PCDH9: variants seen among roughly 807,000 people sequenced by gnomAD.
PCDH9 encodes the protein protocadherin-9.
Under a neutral mutation model 70.6 loss-of-function variants are expected in PCDH9, and 24 were observed. That is an observed-to-expected ratio of 0.34 (90% confidence interval 0.25 to 0.48). PCDH9 has a LOEUF of 0.48. PCDH9 is among the 20% of genes least tolerant of loss of function. The pLI is 0.99. For missense variants in PCDH9, 1,281 were observed against 1,503.6 expected (o/e 0.85, Z 2.45); for synonymous variants, 562 against 558.5 (o/e 1.01, Z -0.09).
rs575549566 is a variant in PCDH9 at position 66,791,658 on chromosome 13, G to T, written c.3138+111846C>A. The stretch of plus-strand genomic sequence containing the variant: ...AAATAATGTAGTAATGCTATAATTT[G>T]TACATGCTTATGTATGTATTATGTA... On this transcript the variant is annotated intron_variant, in intron 3 of 4. Coordinates refer to ENST00000377865, the MANE Select transcript of PCDH9 (RefSeq NM_203487.3). 3.3e-5 allele frequency among the ~76,000 whole-genome samples: 5 copies of T among 152,130 alleles called. No homozygotes were observed. The East Asian group carries it at 9.7e-4, about 29-fold the overall frequency.
At chr13:66,431,506 A>G (rs916485709) in intron 4 of PCDH9, among the ~76,000 whole-genome samples, 3 of 152,076 alleles carry the variant, frequency 2.0e-5, no homozygotes, top group African/African-American at 7.2e-5. Flanking sequence ...TGATTTATCA[A>G]TAATGTATTA....
intron 4 of PCDH9, among the ~76,000 whole-genome samples, chr13:66,314,419 AG>A (rs1454419320): frequency 2.0e-5 from 3 of 152,142 alleles, no homozygotes; most frequent in African/African-American, 7.2e-5. Flanking sequence ...CTTCCTGTTC[AG>A]TTTCCTTTGA....
At chr13:66,530,619 AT>A (rs1261617986) in intron 4 of PCDH9, among the ~76,000 whole-genome samples, 1 of 151,996 alleles carries the variant, frequency 6.6e-6, no homozygotes, top group Non-Finnish European at 1.5e-5. Context: ...CTCAATATAC[AT>A]TAGTGATGCC....
At chr13:67,149,434 A>G (rs977033892) in intron 2 of PCDH9, among the ~76,000 whole-genome samples, 2 of 152,028 alleles carry the variant, frequency 1.3e-5, no homozygotes, top group African/African-American at 4.8e-5. Context: ...AGATATTTTA[A>G]GCAGTGCCCA....
intron 2 of PCDH9, among the ~76,000 whole-genome samples, chr13:67,124,465 A>G (rs1566439838): frequency 6.6e-6 from 1 of 152,226 alleles, no homozygotes; most frequent in East Asian, 1.9e-4. Context: ...GCATCTTACA[A>G]TCTTGTGGAT....
intron 4 of PCDH9, among the ~76,000 whole-genome samples, chr13:66,484,520 T>G (rs558761981): frequency 1.3e-5 from 2 of 152,206 alleles, no homozygotes; most frequent in South Asian, 4.2e-4. Context: ...GATGGAAGAG[T>G]AGATTCTAGA....
chr13:66,406,651 C>A (rs542737008), intron 4 of PCDH9, among the ~76,000 whole-genome samples: 1 of 152,244 alleles, frequency 6.6e-6, no homozygotes, highest in Admixed American at 6.5e-5. Context: ...TGTTTAAACA[C>A]AAAGTTATAT....
intron 2 of PCDH9, among the ~76,000 whole-genome samples, chr13:66,983,959 ACT>A (rs1277961490): frequency 1.3e-5 from 2 of 151,862 alleles, no homozygotes; most frequent in African/African-American, 2.4e-5. Context: ...TTGAAAAGCT[ACT>A]CTTTGTAAAA....
At chr13:66,350,498 C>T (rs1219328655) in intron 4 of PCDH9, among the ~76,000 whole-genome samples, 1 of 152,124 alleles carries the variant, frequency 6.6e-6, no homozygotes, top group Non-Finnish European at 1.5e-5. Context: ...CTTCAGCCCT[C>T]TTGTCTTCTC....
intron 3 of PCDH9, among the ~76,000 whole-genome samples, chr13:66,680,692 CA>C (rs1311421768): frequency 6.6e-6 from 1 of 151,674 alleles, no homozygotes; most frequent in African/African-American, 2.4e-5. Context: ...TAAATGAACC[CA>C]GGGGCCACAA....
rs566145958 is a variant in PCDH9, at chr13:66,998,442, A to T, written c.3037-94837T>A. Among the ~76,000 whole-genome samples the T allele has an allele frequency of 5.3e-5, 8 of 152,288 alleles. No homozygotes were observed. The South Asian group carries it at 1.7e-3, about 32-fold the overall frequency. ...ACTCTTCTGAGTTCTGTACTCTCACAATCCTACTTCCTATTGTGATTCCAA... is the reference window on the plus strand; with the variant it reads ...ACTCTTCTGAGTTCTGTACTCTCACTATCCTACTTCCTATTGTGATTCCAA... On this transcript the variant is annotated intron_variant, in intron 2 of 4. Coordinates refer to ENST00000377865, the MANE Select transcript of PCDH9 (RefSeq NM_203487.3).
intron 3 of PCDH9, among the ~76,000 whole-genome samples, chr13:66,698,247 T>C (rs1009753040): frequency 7.2e-5 from 11 of 152,302 alleles, no homozygotes; most frequent in African/African-American, 2.2e-4. Context: ...GCCACCAAAC[T>C]GTATTGAAAA....
chr13:66,573,711 G>T (rs1386956389), intron 4 of PCDH9, among the ~76,000 whole-genome samples: 1 of 151,694 alleles, frequency 6.6e-6, no homozygotes, highest in Non-Finnish European at 1.5e-5. Context: ...TCAGTTAAGG[G>T]TATTTTGTTG....
At chr13:67,049,840 CT>C (rs1404389303) in intron 2 of PCDH9, among the ~76,000 whole-genome samples, 1 of 152,086 alleles carries the variant, frequency 6.6e-6, no homozygotes, top group Non-Finnish European at 1.5e-5. Flanking sequence ...ATACTTTTTT[CT>C]ACTATGTTCT....
intron 3 of PCDH9, among the ~76,000 whole-genome samples, chr13:66,679,775 A>G (rs534845337): frequency 6.6e-6 from 1 of 152,038 alleles, no homozygotes; most frequent in East Asian, 1.9e-4. Context: ...AATGTTGAAA[A>G]GAACAATTTC....
chr13:67,226,353 C>T lies in PCDH9; in HGVS notation c.2088G>A (p.Val696=), dbSNP rs926530693. 3.1e-6 allele frequency: 5 copies of T among 1,614,006 alleles called. No individual in the cohort carries two copies. In the Admixed American group the frequency reaches 8.3e-5, roughly 27 times the overall value. ...LVPLSAIPGS[V]VAEVFAVDVD... Reference sequence around the variant, plus strand: ...CATCCACTGCAAAAACTTCTGCTACCACGGAGCCAGGAATGGCTGAGAGGG... The same window carrying T: ...CATCCACTGCAAAAACTTCTGCTACTACGGAGCCAGGAATGGCTGAGAGGG... The change falls in exon 2 of 5, where the codon GTG becomes GTA. Residue 696 remains valine, a synonymous_variant. Coordinates refer to ENST00000377865, the MANE Select transcript of PCDH9 (RefSeq NM_203487.3). The surrounding 1 kb of genome is among the most constrained non-coding windows in gnomAD (Gnocchi z 5.0).
chr13:66,469,935 A>T (rs1958585593), intron 4 of PCDH9, among the ~76,000 whole-genome samples: 5 of 152,184 alleles, frequency 3.3e-5, no homozygotes, highest in Non-Finnish European at 1.5e-5. Context: ...TTCAAAGCTA[A>T]TGGCAGAGTG....
chr13:66,400,983 A>G (rs1352855624), intron 4 of PCDH9, among the ~76,000 whole-genome samples: 1 of 152,226 alleles, frequency 6.6e-6, no homozygotes, highest in African/African-American at 2.4e-5. Flanking sequence ...CAGAAAAAAT[A>G]AAAATTAGAA....
chr13:66,979,267 T>A (rs536359886), intron 2 of PCDH9, among the ~76,000 whole-genome samples: 1 of 152,304 alleles, frequency 6.6e-6, no homozygotes, highest in South Asian at 2.1e-4. Context: ...TGTTTTTCCA[T>A]TACTTTAGTA....
Sources: allele counts gnomAD v4.1 joint callset (sites outside exome capture counted in the v4.1 genomes callset), GRCh38; gene constraint gnomAD v4.1.1; non-coding constraint Gnocchi (gnomAD v3.1); transcripts MANE v1.5; gene names NCBI Gene and HGNC (gene_info 2026-07-23, HGNC 2026-07-21).